Variants in DEF6 observed in about 807,000 individuals in gnomAD.
DEF6 encodes the protein differentially expressed in FDCP 6 homolog.
A neutral mutation model predicts 80.5 loss-of-function variants in DEF6; 32 were observed. That is an observed-to-expected ratio of 0.40 (90% CI 0.30 to 0.53). The LOEUF (loss-of-function observed/expected upper bound fraction) is 0.53, where lower values mean the gene tolerates loss of function less well. DEF6 is among the 20% of genes least tolerant of loss of function. The pLI is 0.57. For missense variants in DEF6, 575 were observed against 818.7 expected (o/e 0.70, Z 3.63); for synonymous variants, 300 against 337.9 (o/e 0.89, Z 1.23).
At position 35,297,830 on chromosome 6, in the gene DEF6, G is replaced by T; in HGVS notation, c.-27G>T. On this transcript the variant is annotated 5_prime_UTR_variant, in exon 1 of 11. Coordinates refer to ENST00000316637, the MANE Select transcript of DEF6 (RefSeq NM_022047.4). ...GAAACCGGATCTTAGTGTCAGAGCC[G>T]CCCCCAGCCGGGCGGGCGCCTCAGC... 1 of 1,564,594 alleles carries T rather than the reference G, an allele frequency of 6.4e-7. No homozygotes were observed. The highest frequency in any genetic ancestry group is 1.2e-5 in the South Asian group (1 of 85,768).
intron 1 of DEF6, among the ~76,000 whole-genome samples, chr6:35,298,415 C>A (rs1386987507): frequency 2.0e-5 from 3 of 152,192 alleles, no homozygotes; most frequent in Non-Finnish European, 4.4e-5. Flanking sequence ...AAGGGGCCGC[C>A]CCCAGTCCCA....
intron 1 of DEF6, among the ~76,000 whole-genome samples, chr6:35,302,525 C>T (rs192099936): frequency 6.6e-6 from 1 of 152,244 alleles, no homozygotes; most frequent in East Asian, 1.9e-4. Context: ...TTAGGATCCC[C>T]AATCCCCACA....
chr6:35,300,569 G>T (rs80056708), intron 1 of DEF6, among the ~76,000 whole-genome samples: 5,377 of 152,300 alleles, frequency 0.035, 197 homozygotes, highest in African/African-American at 0.093. Context: ...AAAAGAGAAG[G>T]CTTGAGGGAA....
rs935910960 is a variant in DEF6 at position 35,321,649 on chromosome 6, T to C, written c.*239T>C. The C allele has an allele frequency of 1.7e-5, 7 of 411,472 alleles. No individual in the cohort carries two copies. The highest frequency in any genetic ancestry group is 3.0e-5 in the Non-Finnish European group (7 of 232,164). The allele number at this position is 411,472 out of a possible 1,614,324, so 25.5% of individuals were successfully genotyped here. A position where few individuals can be genotyped will look rare whatever the true frequency, so the allele number is the denominator to read the frequency against. ...TCCTTGAGAACTTGGCCCTGTGCTT[T>C]AGACCCAAGGACCCGATTCTTGGGC... is the stretch of plus-strand genomic sequence containing the variant. On this transcript the variant is annotated 3_prime_UTR_variant, in exon 11 of 11. Transcript: ENST00000316637.
At chr6:35,301,988 A>G (rs1040548082) in intron 1 of DEF6, among the ~76,000 whole-genome samples, 1 of 151,688 alleles carries the variant, frequency 6.6e-6, no homozygotes, top group African/African-American at 2.4e-5. Context: ...TGGCCTCCCA[A>G]AGTGCTGGGA....
rs1278965925 is a variant in DEF6, at chr6:35,321,128, C to T, written c.1673-59C>T. ...CTCTCCTCTGAGGGCTGAGGCAAGG[C>T]CCCTCGCCTCTCACCTTTGCATGCC... On this transcript the variant is annotated intron_variant, in intron 10 of 10. Transcript: ENST00000316637. 6 of 1,571,452 alleles carry T rather than the reference C, an allele frequency of 3.8e-6. No homozygotes were observed. In the African/African-American group the frequency reaches 5.4e-5, roughly 14 times the overall value.
chr6:35,299,511 T>C (rs767814325), intron 1 of DEF6, among the ~76,000 whole-genome samples: 3 of 152,164 alleles, frequency 2.0e-5, no homozygotes, highest in Non-Finnish European at 4.4e-5. Context: ...CCTGGTGCCA[T>C]CAGCCAGTAA....
At position 35,318,668 on chromosome 6, in the gene DEF6, C is replaced by T. The variant is rs1048744520; in HGVS notation, c.1215+197C>T. On this transcript the variant is annotated intron_variant, in intron 7 of 10. Coordinates refer to ENST00000316637, the MANE Select transcript of DEF6 (RefSeq NM_022047.4). The surrounding 1 kb of genome is among the most constrained non-coding windows in gnomAD (Gnocchi z 5.1). ...AAGAGATTTGGGATGGGGCTTCCGC[C>T]AGGGACAGAACCTGGGGCTAGGAAA... is the stretch of plus-strand genomic sequence containing the variant. Among the ~76,000 whole-genome samples, 1 of 152,068 alleles carries T rather than the reference C, an allele frequency of 6.6e-6. No individual in the cohort carries two copies. The highest frequency in any genetic ancestry group is 6.5e-5 in the Admixed American group (1 of 15,280).
intron 1 of DEF6, among the ~76,000 whole-genome samples, chr6:35,306,667 A>G (rs370818918): frequency 6.6e-6 from 1 of 152,266 alleles, no homozygotes; most frequent in Non-Finnish European, 1.5e-5. Context: ...CTGAAATACT[A>G]GTTTCATATA....
At chr6:35,308,061 G>A (rs908056374) in intron 1 of DEF6, among the ~76,000 whole-genome samples, 5 of 152,152 alleles carry the variant, frequency 3.3e-5, no homozygotes, top group African/African-American at 1.2e-4. Context: ...AACGGAGGAG[G>A]GAGACTTGAC....
Position 35,312,195 on chromosome 6 carries a change from CCT to C in DEF6, c.424-106_424-105del, listed in dbSNP as rs1791476618. ...CTCTGGCCCCCTCAACGCTCTGTCC[CCT>C]GTTTCCCTCTGCCCAGGCTCTGGGA... On this transcript the variant is annotated intron_variant, in intron 3 of 10. Transcript: ENST00000316637. The surrounding 1 kb of genome is among the most constrained non-coding windows in gnomAD (Gnocchi z 6.6). 8.7e-6 allele frequency: 8 copies of C among 916,562 alleles called. No individual in the cohort carries two copies. The highest frequency in any genetic ancestry group is 4.8e-5 in the Admixed American group (2 of 41,888). The allele number at this position is 916,562 out of a possible 1,614,324, so 56.8% of individuals were successfully genotyped here.
At chr6:35,309,412 T>C (rs1377285731) in intron 1 of DEF6, among the ~76,000 whole-genome samples, 1 of 152,206 alleles carries the variant, frequency 6.6e-6, no homozygotes, top group Non-Finnish European at 1.5e-5. Context: ...GTGAGAAATA[T>C]CTCAGGGCTG....
chr6:35,310,348 C>A, intron 2 of DEF6, 111 bp from the exon 3 acceptor site: 2 of 1,177,972 alleles, frequency 1.7e-6, no homozygotes, highest in Non-Finnish European at 1.2e-6. Flanking sequence ...GGGCCCTGGA[C>A]TTGGCCAGGT....
intron 1 of DEF6, among the ~76,000 whole-genome samples, chr6:35,307,866 A>G (rs1368787450): frequency 6.6e-6 from 1 of 152,206 alleles, no homozygotes; most frequent in Non-Finnish European, 1.5e-5. Flanking sequence ...AAGGCTTGGC[A>G]CACACACCAT....
In DEF6 at chr6:35,318,240, ACGGCGCGAG is replaced by A; in HGVS notation, c.986_994del (p.Arg329_Glu331del). ...CCCTACACAAGGACCTGAAGCAGAA[ACGGCGCGAG>A]CAGCGGGAGCAGCGGGAGCGGCGCC... On this transcript the variant is annotated inframe_deletion, in exon 7 of 11. Coordinates refer to ENST00000316637, the MANE Select transcript of DEF6 (RefSeq NM_022047.4). The surrounding 1 kb of genome is among the most constrained non-coding windows in gnomAD (Gnocchi z 5.1). The A allele has an allele frequency of 6.3e-7, 1 of 1,595,880 alleles. No homozygotes were observed. Among genetic ancestry groups the A allele is most frequent in the Non-Finnish European group, 8.5e-7 (1 of 1,172,300 alleles).
chr6:35,319,459 T>G lies in DEF6; in HGVS notation c.1216-65T>G. ...GCAGCTTAGCAACATGCCCACCCCC[T>G]CCTCCTCCGCCCCCACGTGCCCCTT... On this transcript the variant is annotated intron_variant, in intron 7 of 10. Transcript: ENST00000316637. The surrounding 1 kb of genome is among the most constrained non-coding windows in gnomAD (Gnocchi z 4.5). The G allele has an allele frequency of 1.9e-5, 12 of 648,464 alleles. No homozygotes were observed. The highest frequency in any genetic ancestry group is 3.9e-5 in the East Asian group (1 of 25,544). The allele number at this position is 648,464 out of a possible 1,614,324, so 40.2% of individuals were successfully genotyped here. A position where few individuals can be genotyped will look rare whatever the true frequency, so the allele number is the denominator to read the frequency against.
At chr6:35,320,828 G>T in intron 9 of DEF6, 56 bp from the exon 10 acceptor site, 3 of 1,498,794 alleles carry the variant, frequency 2.0e-6, no homozygotes, top group Non-Finnish European at 2.7e-6. Flanking sequence ...AAAAGATCAA[G>T]ACTCCATGCC....
At position 35,321,398 on chromosome 6, in the gene DEF6, A is replaced by C. The variant is rs35277012; in HGVS notation, c.1884A>C (p.Ala628=). 2,923 of 1,613,590 alleles carry C rather than the reference A, an allele frequency of 1.8e-3. 12 individuals carry two copies. Among genetic ancestry groups the C allele is most frequent in the African/African-American group, 0.015 (1,156 of 75,040 alleles). Residue 628 remains alanine (A), a synonymous_variant, in exon 11 of 11, where the codon GCA becomes GCC. Coordinates refer to ENST00000316637, the MANE Select transcript of DEF6 (RefSeq NM_022047.4). ...CTCAGGAAGATAAACTGGATCCAGC[A>C]CCAGAAAATTAGCCTCTCTTAGCCC... ...STPQEDKLDP[A]PEN
rs1450129160 is a variant in DEF6 at position 35,312,727 on chromosome 6, A to G, written c.762A>G (p.Lys254=). 13 of 1,613,158 alleles carry G rather than the reference A, an allele frequency of 8.1e-6. No individual in the cohort carries two copies. Among genetic ancestry groups the G allele is most frequent in the Non-Finnish European group, 1.1e-5 (13 of 1,179,658 alleles). ...CLCYFGSEEC[K]EKRGIIPLDA... ...GCTACTTTGGGAGTGAAGAGTGCAA[A>G]GAGAAAAGGGGCATTATCCCGCTGG... The change falls in exon 5 of 11, where the codon AAA becomes AAG. Residue 254 remains lysine, a synonymous_variant. Coordinates refer to ENST00000316637, the MANE Select transcript of DEF6 (RefSeq NM_022047.4). The surrounding 1 kb of genome is among the most constrained non-coding windows in gnomAD (Gnocchi z 6.6).
Sources: gnomAD v4.1 joint callset for allele counts (sites outside exome capture counted in the v4.1 genomes callset) on GRCh38, gnomAD v4.1.1 for gene constraint, Gnocchi (gnomAD v3.1) non-coding constraint, MANE v1.5 for transcripts, NCBI Gene and HGNC (gene_info 2026-07-23, HGNC 2026-07-21) for gene names.